CDH12: variants seen among roughly 807,000 people sequenced by gnomAD.
The protein encoded by CDH12 is cadherin 12, also known as cadherin-12.
CDH12 carries 41 observed loss-of-function variants against 74.1 expected under a neutral mutation model. The ratio of observed to expected loss-of-function variants is 0.55; its 90% CI spans 0.43 to 0.72. The LOEUF is 0.72. CDH12 is among the 30% of genes least tolerant of loss of function. CDH12 has a pLI of 0.00. For synonymous variants in CDH12, 399 were observed against 355.0 expected, an observed-to-expected ratio of 1.12 and a Z score of -1.39; for missense variants, 945 against 977.2, an observed-to-expected ratio of 0.97 and a Z score of 0.44.
intron 5 of CDH12, among the ~76,000 whole-genome samples, chr5:22,049,086 G>A (rs183988915): frequency 3.3e-5 from 5 of 152,172 alleles, no homozygotes; most frequent in Admixed American, 2.6e-4. Context: ...TTATTACAGT[G>A]TATAAATGCA....
intron 6 of CDH12, among the ~76,000 whole-genome samples, chr5:21,935,712 T>C (rs1260220847): frequency 1.3e-5 from 2 of 152,218 alleles, no homozygotes; most frequent in East Asian, 3.9e-4. Context: ...TATGTTTTTA[T>C]ACCTATTAGT....
chr5:22,488,661 TC>T (rs1746709073), intron 2 of CDH12, among the ~76,000 whole-genome samples: 1 of 152,074 alleles, frequency 6.6e-6, no homozygotes, highest in Non-Finnish European at 1.5e-5. Flanking sequence ...ACCCTAATTA[TC>T]CTAGGGCCAA....
chr5:22,650,890 T>C (rs1739698634), intron 1 of CDH12, among the ~76,000 whole-genome samples: 1 of 152,008 alleles, frequency 6.6e-6, no homozygotes. Context: ...ATCTTTACAC[T>C]GTGTGGTGGG....
intron 2 of CDH12, among the ~76,000 whole-genome samples, chr5:22,477,040 T>A (rs1212433439): frequency 6.6e-6 from 1 of 152,162 alleles, no homozygotes; most frequent in Non-Finnish European, 1.5e-5. Context: ...TATCCACGTA[T>A]CTCAACGGTT....
chr5:21,763,227 GA>G (rs1297939231), intron 12 of CDH12, among the ~76,000 whole-genome samples: 8 of 152,276 alleles, frequency 5.3e-5, no homozygotes, highest in Admixed American at 1.3e-4. Context: ...CAGTCCACTA[GA>G]AATGTCCATG....
intron 9 of CDH12, among the ~76,000 whole-genome samples, chr5:21,812,844 A>G (rs985933536): frequency 2.6e-5 from 4 of 152,186 alleles, no homozygotes; most frequent in African/African-American, 9.6e-5. Flanking sequence ...CTAATAGAAC[A>G]CTAGGTTAGC....
intron 1 of CDH12, among the ~76,000 whole-genome samples, chr5:22,721,519 C>T (rs1279984065): frequency 1.3e-5 from 2 of 152,126 alleles, no homozygotes; most frequent in Non-Finnish European, 2.9e-5. Flanking sequence ...AAGGGACTTG[C>T]CTTGTCTCAG....
At chr5:22,035,869 C>A (rs1186647076) in intron 5 of CDH12, among the ~76,000 whole-genome samples, 2 of 152,092 alleles carry the variant, frequency 1.3e-5, no homozygotes, top group Non-Finnish European at 2.9e-5. Flanking sequence ...GTATTTATGA[C>A]AGCCATTAAG....
chr5:22,801,636 CATATATATATATATATATATAT>C (rs568139109), intron 1 of CDH12, among the ~76,000 whole-genome samples: 524 of 50,898 alleles, frequency 0.01, 20 homozygotes, highest in African/African-American at 9.5e-3. Flanking sequence ...CTCTGCTTAT[CATATATATATATATATATATAT>C]ATATATATAT....
chr5:22,389,008 T>C (rs1157456440), intron 3 of CDH12, among the ~76,000 whole-genome samples: 1 of 152,230 alleles, frequency 6.6e-6, no homozygotes, highest in Non-Finnish European at 1.5e-5. Flanking sequence ...CTTATGGTTC[T>C]TGACAGCCGA....
intron 4 of CDH12, among the ~76,000 whole-genome samples, chr5:22,105,351 C>G (rs887669822): frequency 4.0e-5 from 6 of 150,926 alleles, no homozygotes; most frequent in African/African-American, 9.7e-5. Context: ...CCTCGGCCCC[C>G]CAAAGTCCTG....
rs533222395 is a variant in CDH12, at chr5:22,027,435, A to G, written c.231+51011T>C. The stretch of plus-strand genomic sequence containing the variant: ...TCTGGTAGAATTCGGCTGTAAATCC[A>G]TCTGGTCCTGGACTCTTTTTGGTTG... On this transcript the variant is annotated intron_variant, in intron 5 of 14. Transcript: ENST00000382254. Among the ~76,000 whole-genome samples, 17 of 152,268 alleles carry G rather than the reference A, an allele frequency of 1.1e-4. 1 individual carries two copies. In the South Asian group the frequency reaches 2.9e-3, roughly 26 times the overall value.
intron 6 of CDH12, among the ~76,000 whole-genome samples, chr5:21,905,499 GC>G (rs1308868091): frequency 6.6e-6 from 1 of 152,120 alleles, no homozygotes; most frequent in African/African-American, 2.4e-5. Context: ...AAGCACATCT[GC>G]CCTATAATTT....
intron 1 of CDH12, among the ~76,000 whole-genome samples, chr5:22,563,039 T>C (rs1470909383): frequency 6.8e-6 from 1 of 147,558 alleles, no homozygotes; most frequent in Middle Eastern, 3.6e-3. Context: ...CATAAATTTA[T>C]ATATTGATAT....
intron 10 of CDH12, among the ~76,000 whole-genome samples, chr5:21,798,249 ATGTGTGTGTGTGTGTG>A (rs55704091): frequency 6.7e-6 from 1 of 148,782 alleles, no homozygotes; most frequent in Admixed American, 6.8e-5. Context: ...GTATATGTGG[ATGTGTGTGTGTGTGTG>A]TGTGTGTGTG....
chr5:21,760,319 T>A (rs1330703029), intron 13 of CDH12, among the ~76,000 whole-genome samples: 1 of 152,130 alleles, frequency 6.6e-6, no homozygotes, highest in Non-Finnish European at 1.5e-5. Context: ...AGAGAGTCTT[T>A]TATTTGCTTG....
chr5:22,309,677 G>T (rs1386367999), intron 3 of CDH12, among the ~76,000 whole-genome samples: 1 of 151,836 alleles, frequency 6.6e-6, no homozygotes, highest in Non-Finnish European at 1.5e-5. Flanking sequence ...TCCTCATGTT[G>T]TACATTAGGT....
At chr5:22,497,807 T>A (rs1334548690) in intron 2 of CDH12, among the ~76,000 whole-genome samples, 1 of 151,740 alleles carries the variant, frequency 6.6e-6, no homozygotes, top group African/African-American at 2.4e-5. Flanking sequence ...CACACCGGGA[T>A]AATTTTTGTA....
At chr5:21,950,082 T>G (rs1158704147) in intron 6 of CDH12, among the ~76,000 whole-genome samples, 1 of 152,220 alleles carries the variant, frequency 6.6e-6, no homozygotes, top group Non-Finnish European at 1.5e-5. Flanking sequence ...CTGGATTTTT[T>G]ACTGTACCTT....
Sources: gnomAD v4.1 joint callset for allele counts (sites outside exome capture counted in the v4.1 genomes callset) on GRCh38, gnomAD v4.1.1 for gene constraint, MANE v1.5 for transcripts, NCBI Gene and HGNC (gene_info 2026-07-23, HGNC 2026-07-21) for gene names.